The following RERE variants were observed in gnomAD, a reference collection of about 807,000 sequenced individuals.
The protein encoded by RERE is arginine-glutamic acid dipeptide repeats.
Under a neutral mutation model 146.1 loss-of-function variants are expected in RERE, and 40 were observed. The observed-to-expected ratio is 0.27, with a 90% CI of 0.21 to 0.36. RERE has a LOEUF of 0.36. Among genes scored for constraint, RERE ranks in the 10% least tolerant of loss-of-function variants. The pLI, the probability that RERE is intolerant of heterozygous loss-of-function variation, is 1.00. For missense variants in RERE, 1,933 were observed against 2,138.7 expected (o/e 0.90, Z 1.90); for synonymous variants, 1,003 against 866.0 (o/e 1.16, Z -2.78).
chr1:8,560,160 C>T (rs954563456), intron 4 of RERE, among the ~76,000 whole-genome samples: 2 of 152,166 alleles, frequency 1.3e-5, no homozygotes, highest in Non-Finnish European at 2.9e-5. Context: ...AGTTAAAATA[C>T]GCTGTCTATA....
At chr1:8,564,069 C>T (rs1284471471) in intron 4 of RERE, among the ~76,000 whole-genome samples, 2 of 152,232 alleles carry the variant, frequency 1.3e-5, no homozygotes, top group African/African-American at 4.8e-5. Flanking sequence ...CCTCCACTTA[C>T]AGGACAATGA....
At chr1:8,530,031 T>C (rs1645622257) in intron 7 of RERE, among the ~76,000 whole-genome samples, 1 of 152,146 alleles carries the variant, frequency 6.6e-6, no homozygotes, top group African/African-American at 2.4e-5. Context: ...ACCTCACTCC[T>C]GCCACCACAT....
intron 1 of RERE, chr1:8,703,161 AGGTGGG>A (rs1161200765): frequency 6.6e-6 from 1 of 152,006 alleles, no homozygotes; most frequent in African/African-American, 2.4e-5. Flanking sequence ...GCAGGCGGGC[AGGTGGG>A]GGCCCGGGGA....
intron 1 of RERE, among the ~76,000 whole-genome samples, chr1:8,811,765 T>A (rs1236741518): frequency 6.6e-6 from 1 of 152,266 alleles, no homozygotes; most frequent in South Asian, 2.1e-4. Context: ...CTGAAGATGC[T>A]GCACAGCCAT....
intron 10 of RERE, among the ~76,000 whole-genome samples, chr1:8,476,568 T>C (rs931668327): frequency 2.6e-5 from 4 of 152,202 alleles, no homozygotes; most frequent in Non-Finnish European, 4.4e-5. Flanking sequence ...CTCACAGTGC[T>C]AAATGAAAGC....
At chr1:8,472,973 C>T (rs1267135805) in intron 10 of RERE, among the ~76,000 whole-genome samples, 1 of 152,098 alleles carries the variant, frequency 6.6e-6, no homozygotes, top group Non-Finnish European at 1.5e-5. Context: ...ACCTGTCTTC[C>T]CTAAACCACA....
In RERE at chr1:8,592,776, A is replaced by G. The variant is rs567827137; in HGVS notation, c.522+21785T>C. 9.9e-5 allele frequency among the ~76,000 whole-genome samples: 15 copies of G among 152,258 alleles called. No homozygotes were observed. The East Asian group carries it at 2.7e-3, about 28-fold the overall frequency. On this transcript the variant is annotated intron_variant, in intron 4 of 22. Coordinates refer to ENST00000400908, the MANE Select transcript of RERE (RefSeq NM_001042681.2). ...TTTACACCCTATCCTAGGAGAATCAAACTTAATCATATTTGCGTGGAGATA... is the reference window on the plus strand; with the variant it reads ...TTTACACCCTATCCTAGGAGAATCAGACTTAATCATATTTGCGTGGAGATA...
chr1:8,658,885 A>C (rs1176901860), intron 1 of RERE, among the ~76,000 whole-genome samples: 3 of 152,242 alleles, frequency 2.0e-5, no homozygotes, highest in African/African-American at 7.2e-5. Context: ...AGACCTCCTC[A>C]TAAGCATCTC....
In RERE at chr1:8,360,155, G is replaced by C; in HGVS notation, c.3352C>G (p.Pro1118Ala). The C allele has an allele frequency of 6.3e-7, 1 of 1,597,418 alleles. No homozygotes were observed. The highest frequency in any genetic ancestry group is 8.5e-7 in the Non-Finnish European group (1 of 1,172,114). ...PPPPRSPSPE[P>A]TVVDTPSHAS... is the part of the protein sequence containing the mutation. ...TGACTGGGGGTGTCCACCACAGTGG[G>C]CTCCGGGGACGGGCTCCTTGGTGGG... is the stretch of plus-strand genomic sequence containing the variant. Residue 1118 changes from proline (P) to alanine (A), a missense_variant, in exon 18 of 23, where the codon CCC becomes GCC. This residue lies in a region of RERE where 1,255 missense variants were observed against 1,153.8 expected (regional missense o/e 1.09). Transcript: ENST00000400908.
chr1:8,416,598 A>AAAAAG (rs1224760336), intron 12 of RERE, among the ~76,000 whole-genome samples: 6,471 of 146,754 alleles, frequency 0.044, 224 homozygotes, highest in Middle Eastern at 0.066. Flanking sequence ...AAAAAAAAAA[A>AAAAAG]AAAAGAAAAG....
At chr1:8,454,836 A>AC (rs948766064) in intron 11 of RERE, among the ~76,000 whole-genome samples, 1 of 149,862 alleles carries the variant, frequency 6.7e-6, no homozygotes, top group Non-Finnish European at 1.5e-5. Flanking sequence ...ACAAAAAAAA[A>AC]CCCCCACAAA....
intron 19 of RERE, among the ~76,000 whole-genome samples, chr1:8,359,215 G>T (rs900420930): frequency 3.9e-5 from 6 of 152,200 alleles, no homozygotes; most frequent in Non-Finnish European, 5.9e-5. Flanking sequence ...GACAGCTGGG[G>T]GGCATGGGTG....
At chr1:8,355,622 C>A (rs41278972) in intron 21 of RERE, 23 bp from the exon 22 acceptor site, 2 of 1,550,078 alleles carry the variant, frequency 1.3e-6, no homozygotes, top group African/African-American at 2.7e-5. Flanking sequence ...AAACAACCTG[C>A]GCTACAGAAA....
At chr1:8,401,069 A>ATATATATATATATATATATATATATG (rs761609705) in intron 12 of RERE, among the ~76,000 whole-genome samples, 25 of 85,094 alleles carry the variant, frequency 2.9e-4, no homozygotes, top group Non-Finnish European at 3.5e-4. Context: ...ATATATATAT[A>ATATATATATATATATATATATATATG]TATGTCACTT....
intron 1 of RERE, chr1:8,786,298 G>A: frequency 2.2e-6 from 2 of 929,842 alleles, no homozygotes; most frequent in Non-Finnish European, 3.5e-6. Context: ...ATCTTGTGGA[G>A]AAAATAATTT....
At position 8,557,635 on chromosome 1, in the gene RERE, G is replaced by C; in HGVS notation, c.523-112C>G. The C allele has an allele frequency of 5.7e-6, 4 of 706,536 alleles. No individual in the cohort carries two copies. The South Asian group carries it at 6.4e-5, about 11-fold the overall frequency. 43.8% of individuals were successfully genotyped at this position (706,536 alleles called of 1,614,324 possible). A position where few individuals can be genotyped will look rare whatever the true frequency, so the allele number is the denominator to read the frequency against. ...ACGGGTGGACACGTAGATAGGGAGA[G>C]ACACAATTACCATCAGGACCACAAC... On this transcript the variant is annotated intron_variant, in intron 4 of 22. Coordinates refer to ENST00000400908, the MANE Select transcript of RERE (RefSeq NM_001042681.2).
chr1:8,431,977 T>C (rs1490685640), intron 11 of RERE, among the ~76,000 whole-genome samples: 1 of 152,178 alleles, frequency 6.6e-6, no homozygotes, highest in Admixed American at 6.5e-5. Flanking sequence ...CTGTTCGGCA[T>C]GCTCCTCGGT....
At chr1:8,694,922 T>C (rs1184506053) in intron 1 of RERE, among the ~76,000 whole-genome samples, 1 of 114,102 alleles carries the variant, frequency 8.8e-6, no homozygotes, top group Non-Finnish European at 1.7e-5. Context: ...AAAGTAATTC[T>C]AAAATTCATA....
At position 8,423,030 on chromosome 1, in the gene RERE, G is replaced by A. The variant is rs1266219292; in HGVS notation, c.1204-223C>T. 5.8e-6 allele frequency: 3 copies of A among 517,612 alleles called. No homozygotes were observed. In the Admixed American group the frequency reaches 9.6e-5, roughly 17 times the overall value. 32.1% of individuals were successfully genotyped at this position (517,612 alleles called of 1,614,324 possible). On this transcript the variant is annotated intron_variant, in intron 11 of 22. Coordinates refer to ENST00000400908, the MANE Select transcript of RERE (RefSeq NM_001042681.2). The surrounding 1 kb of genome is among the most constrained non-coding windows in gnomAD (Gnocchi z 5.4). ...ACCCCAATCCCACCCACCACGCAGG[G>A]CAGCGCGTTTAAGAGAAGGACGTCC...
Sources: allele counts gnomAD v4.1 joint callset (sites outside exome capture counted in the v4.1 genomes callset), GRCh38; gene constraint gnomAD v4.1.1; regional missense constraint gnomAD v4.1.1; non-coding constraint Gnocchi (gnomAD v3.1); transcripts MANE v1.5; gene names NCBI Gene and HGNC (gene_info 2026-07-23, HGNC 2026-07-21).